Variants in CYP2A13 observed in about 807,000 individuals in gnomAD.
The protein encoded by CYP2A13 is cytochrome P450 2A13.
A neutral mutation model predicts 39.4 loss-of-function variants in CYP2A13; 30 were observed. The ratio of observed to expected loss-of-function variants is 0.76; its 90% confidence interval spans 0.57 to 1.03. CYP2A13 has a LOEUF of 1.03. CYP2A13 is among the 50% of genes least tolerant of loss of function. CYP2A13 has a pLI of 0.00. For missense variants in CYP2A13, 731 were observed against 648.4 expected (o/e 1.13, Z -1.38); for synonymous variants, 269 against 254.7 (o/e 1.06, Z -0.54).
chr19:41,094,261 G>T lies in CYP2A13; in HGVS notation c.990G>T (p.Glu330Asp). ...HPEVEAKVHEEIDRVIGKNRQ... is the reference protein window; with the variant it reads ...HPEVEAKVHEDIDRVIGKNRQ... ...CTCCCCCAGCCAAGGTCCATGAGGA[G>T]ATTGACAGAGTGATCGGCAAGAACC... The change falls in exon 7 of 9, where the codon GAG (glutamate) becomes GAT (aspartate). Residue 330 changes from glutamate to aspartate, a missense_variant. Glu to Asp is a conservative substitution (Grantham distance 45, BLOSUM62 2). Coordinates refer to ENST00000330436, the MANE Select transcript of CYP2A13 (RefSeq NM_000766.5). The T allele has an allele frequency of 6.2e-7, 1 of 1,614,082 alleles. No individual in the cohort carries two copies. The highest frequency in any genetic ancestry group is 8.5e-7 in the Non-Finnish European group (1 of 1,180,010).
In CYP2A13 at chr19:41,095,798, G is replaced by A. The variant is rs1403292566; in HGVS notation, c.1342G>A (p.Glu448Lys). 1.9e-6 allele frequency: 3 copies of A among 1,613,966 alleles called. No individual in the cohort carries two copies. Among genetic ancestry groups the A allele is most frequent in the Non-Finnish European group, 2.5e-6 (3 of 1,179,998 alleles). Reference sequence around the variant, plus strand: ...TTTTGGAGAAGGCCTGGCCAGAATGGAGCTCTTTCTCTTCTTCACCACCAT... The same window carrying A: ...TTTTGGAGAAGGCCTGGCCAGAATGAAGCTCTTTCTCTTCTTCACCACCAT... Reference protein sequence around the residue: ...YCFGEGLARMELFLFFTTIMQ... With the variant: ...YCFGEGLARMKLFLFFTTIMQ... The change falls in exon 9 of 9, where the codon GAG becomes AAG. Residue 448 changes from glutamate to lysine, a missense_variant. Transcript: ENST00000330436.
In CYP2A13 at chr19:41,093,734, C is replaced by T. The variant is rs551460816; in HGVS notation, c.936C>T (p.Tyr312=). 1.9e-5 allele frequency: 30 copies of T among 1,614,052 alleles called. No homozygotes were observed. Among genetic ancestry groups the T allele is most frequent in the East Asian group, 6.7e-5 (3 of 44,872 alleles). ...AGACCGTGAGCACCACCCTGCGCTA[C>T]GGTTTCCTGCTGCTCATGAAGCACC... ...GTETVSTTLR[Y]GFLLLMKHPE... The change falls in exon 6 of 9, where the codon TAC becomes TAT. Residue 312 remains tyrosine, a synonymous_variant. Transcript: ENST00000330436.
In CYP2A13 at chr19:41,088,974, C is replaced by G. The variant is rs201429919; in HGVS notation, c.226C>G (p.Arg76Gly). ...GPVFTIHLGPRRVVVLCGHDA... is the reference protein window; with the variant it reads ...GPVFTIHLGPGRVVVLCGHDA... ...TGTGTTCACCATTCACTTGGGGCCC[C>G]GGCGGGTCGTGGTGCTGTGCGGACA... The change falls in exon 2 of 9, where the codon CGG becomes GGG. Residue 76 changes from arginine to glycine, a missense_variant. Physicochemically the swap from Arg to Gly is moderately radical, Grantham distance 125. Transcript: ENST00000330436. The G allele has an allele frequency of 6.2e-6, 10 of 1,613,840 alleles. No homozygotes were observed. The highest frequency in any genetic ancestry group is 1.7e-5 in the Admixed American group (1 of 59,996).
chr19:41,093,915 G>GC (rs2031244334), intron 6 of CYP2A13, 144 bp downstream of exon 6: 2 of 982,466 alleles, frequency 2.0e-6, no homozygotes, highest in Non-Finnish European at 3.0e-6. Context: ...CAGCTGATAG[G>GC]CATCAGCTGA....
rs115698903 is a variant in CYP2A13 at position 41,094,406 on chromosome 19, A to C, written c.1135A>C (p.Lys379Gln). 11,300 of 1,614,014 alleles carry C rather than the reference A, an allele frequency of 7.0e-3. 181 individuals are homozygous for C. Among genetic ancestry groups the C allele is most frequent in the South Asian group, 0.044 (3,989 of 91,076 alleles). The change falls in exon 7 of 9, where the codon AAG becomes CAG. Residue 379 changes from lysine to glutamine, a missense_variant. Coordinates refer to ENST00000330436, the MANE Select transcript of CYP2A13 (RefSeq NM_000766.5). ...GLAHRVNKDT[K>Q]FRDFFLPKGT... Reference sequence around the variant, plus strand: ...GGCCCACAGGGTCAACAAGGACACCAAGTTTCGGGATTTCTTCCTCCCTAA... The same window carrying C: ...GGCCCACAGGGTCAACAAGGACACCCAGTTTCGGGATTTCTTCCTCCCTAA...
intron 1 of CYP2A13, 39 bp downstream of exon 1, chr19:41,088,690 G>T: frequency 6.3e-7 from 1 of 1,592,688 alleles, no homozygotes; most frequent in Non-Finnish European, 8.6e-7. Context: ...CGGGGTGGGG[G>T]CTGCCCAGTT....
chr19:41,091,582 G>A, intron 4 of CYP2A13, 150 bp from the exon 5 acceptor site: 1 of 1,257,918 alleles, frequency 7.9e-7, no homozygotes, highest in Non-Finnish European at 1.1e-6. Context: ...TTAGATATAA[G>A]TTTCCATCCA....
intron 2 of CYP2A13, 123 bp from the exon 3 acceptor site, chr19:41,089,922 GCT>G: frequency 9.1e-7 from 1 of 1,098,500 alleles, no homozygotes; most frequent in Non-Finnish European, 1.2e-6. Flanking sequence ...GGGCACTCGC[GCT>G]GAATCCATCT....
At chr19:41,092,084 G>A (rs1310138511) in intron 5 of CYP2A13, among the ~76,000 whole-genome samples, 176 bp downstream of exon 5, 2 of 152,006 alleles carry the variant, frequency 1.3e-5, no homozygotes, top group African/African-American at 2.4e-5. Context: ...GGGAGGCCGA[G>A]GCAGGTGGAT....
intron 4 of CYP2A13, among the ~76,000 whole-genome samples, chr19:41,091,003 A>T (rs903026106): frequency 2.0e-5 from 3 of 152,128 alleles, no homozygotes; most frequent in African/African-American, 7.2e-5. Context: ...ATCTACACAA[A>T]TGTCACAGAT....
intron 2 of CYP2A13, among the ~76,000 whole-genome samples, chr19:41,089,351 C>G (rs556163927): frequency 1.3e-5 from 2 of 152,228 alleles, no homozygotes; most frequent in South Asian, 4.1e-4. Flanking sequence ...TCCCCTCTCT[C>G]TCCATCTCTG....
Position 41,091,862 on chromosome 19 carries a change from A to G in CYP2A13, c.785A>G (p.Asn262Ser), listed in dbSNP as rs2031197112. 5 of 1,614,174 alleles carry G rather than the reference A, an allele frequency of 3.1e-6. No homozygotes were observed. The highest frequency in any genetic ancestry group is 3.4e-6 in the Non-Finnish European group (4 of 1,180,038). Residue 262 changes from asparagine to serine, a missense_variant, in exon 5 of 9, where the codon AAT becomes AGT. Asn to Ser is a conservative substitution (Grantham distance 46). Coordinates refer to ENST00000330436, the MANE Select transcript of CYP2A13 (RefSeq NM_000766.5). ...VEHNQRTLDPNSPRDFIDSFL... is the reference protein window; with the variant it reads ...VEHNQRTLDPSSPRDFIDSFL... ...CACAACCAGCGCACGCTGGATCCCAATTCCCCACGGGACTTCATCGACTCC... is the reference window on the plus strand; with the variant it reads ...CACAACCAGCGCACGCTGGATCCCAGTTCCCCACGGGACTTCATCGACTCC...
chr19:41,088,839 G>T, intron 1 of CYP2A13, 90 bp from the exon 2 acceptor site: 1 of 1,564,592 alleles, frequency 6.4e-7, no homozygotes. Context: ...AGAACCTGGG[G>T]GCGAAGCATC....
At chr19:41,092,862 AG>A (rs1379143168) in intron 5 of CYP2A13, among the ~76,000 whole-genome samples, 1 of 152,188 alleles carries the variant, frequency 6.6e-6, no homozygotes. Flanking sequence ...CAAGATTTTT[AG>A]GGAAGAAATA....
At chr19:41,089,125 G>A in intron 2 of CYP2A13, 34 bp downstream of exon 2, 3 of 1,611,134 alleles carry the variant, frequency 1.9e-6, no homozygotes, top group Non-Finnish European at 2.5e-6. Flanking sequence ...AAGGTGGCCA[G>A]GTGGATGCAA....
rs1224636332 is a variant in CYP2A13 at position 41,091,795 on chromosome 19, G to T, written c.718G>T (p.Glu240Ter). Residue 240 changes from glutamate to a stop codon, truncating the protein, a stop_gained, in exon 5 of 9, where the codon GAG becomes TAG. Transcript: ENST00000330436. LOFTEE classifies it high-confidence loss of function. ...AGGACCACAGCAACAGGCCTTTAAG[G>T]AGCTGCAAGGGCTGGAGGACTTCAT... Reference protein sequence around the residue: ...LPGPQQQAFKELQGLEDFIAK... With the variant: ...LPGPQQQAFK 18 of 1,614,004 alleles carry T rather than the reference G, an allele frequency of 1.1e-5. No homozygotes were observed. Among genetic ancestry groups the T allele is most frequent in the South Asian group, 4.4e-5 (4 of 91,090 alleles).
Position 41,093,669 on chromosome 19 carries a change from C to A in CYP2A13, c.871C>A (p.Leu291Met), listed in dbSNP as rs1417935401. The change falls in exon 6 of 9, where the codon CTG (leucine) becomes ATG (methionine). Residue 291 changes from leucine (L) to methionine (M), a missense_variant. Transcript: ENST00000330436. ...NPNTEFYLKN[L>M]VMTTLNLFFA... ...CAACACAGAGTTCTACTTGAAGAAC[C>A]TGGTGATGACCACCCTGAACCTCTT... is the stretch of plus-strand genomic sequence containing the variant. 6.2e-7 allele frequency: 1 copy of A among 1,614,132 alleles called. No homozygotes were observed. The highest frequency in any genetic ancestry group is 8.5e-7 in the Non-Finnish European group (1 of 1,180,012).
At chr19:41,090,367 C>T in intron 3 of CYP2A13, 37 bp from the exon 4 acceptor site, 1 of 1,613,308 alleles carries the variant, frequency 6.2e-7, no homozygotes, top group Non-Finnish European at 8.5e-7. Context: ...TCTGAGTTGA[C>T]TCTCTCCCCA....
intron 3 of CYP2A13, 64 bp from the exon 4 acceptor site, chr19:41,090,340 C>G: frequency 6.2e-7 from 1 of 1,607,458 alleles, no homozygotes. Flanking sequence ...TCCTGGAATT[C>G]TGACTCTCCT....
Sources: gnomAD v4.1 joint callset for allele counts (sites outside exome capture counted in the v4.1 genomes callset) on GRCh38, gnomAD v4.1.1 for gene constraint, MANE v1.5 for transcripts, NCBI Gene and HGNC (gene_info 2026-07-23, HGNC 2026-07-21) for gene names.